PHF24: variants seen among roughly 807,000 people sequenced by gnomAD.
The protein encoded by PHF24 is Galpha inhibitory interacting protein.
In PHF24, 25 loss-of-function variants were observed where a neutral mutation model predicts 42.6. The observed-to-expected ratio is 0.59, with a 90% CI of 0.43 to 0.82. The LOEUF is 0.82. Ranked by LOEUF, PHF24 falls within the 40% of genes least tolerant of loss-of-function variation. The pLI, the probability that PHF24 is intolerant of heterozygous loss-of-function variation, is 0.00. For synonymous variants in PHF24, 185 were observed against 204.8 expected, an observed-to-expected ratio of 0.90 and a Z score of 0.83; for missense variants, 470 against 538.1, an observed-to-expected ratio of 0.87 and a Z score of 1.25.
At chr9:34,766,709 C>T in the PHF24 span, among the ~76,000 whole-genome samples, 20 of 152,358 alleles carry the variant, frequency 1.3e-4, no homozygotes. Flanking sequence ...TCGTCAAAGT[C>T]ATTCTCCGTC....
chr9:34,779,088 A>T, the PHF24 span, among the ~76,000 whole-genome samples: 1 of 152,198 alleles, frequency 6.6e-6, no homozygotes, highest in African/African-American at 2.4e-5. Flanking sequence ...ACGTATGGAA[A>T]GCAGCAAAAG....
chr9:34,693,864 C>T, the PHF24 span, among the ~76,000 whole-genome samples: 3 of 152,160 alleles, frequency 2.0e-5, no homozygotes, highest in Non-Finnish European at 4.4e-5. Flanking sequence ...GAAGGTCTCC[C>T]TTTAGCATTT....
At chr9:34,836,489 T>A in the PHF24 span, among the ~76,000 whole-genome samples, 1 of 152,182 alleles carries the variant, frequency 6.6e-6, no homozygotes, top group Non-Finnish European at 1.5e-5. Context: ...CTGTGGAAAA[T>A]GAGGTTTATG....
At chr9:34,729,526 C>T in the PHF24 span, 1 of 1,331,136 alleles carries the variant, frequency 7.5e-7, no homozygotes, top group African/African-American at 1.5e-5. Flanking sequence ...GTCATGTCCA[C>T]CTCACAGAGG....
the PHF24 span, among the ~76,000 whole-genome samples, chr9:34,904,452 G>A: frequency 1.3e-5 from 2 of 152,000 alleles, no homozygotes; most frequent in African/African-American, 2.4e-5. Flanking sequence ...GGATTTTGTC[G>A]AATGCTTTTT....
chr9:34,935,020 C>T, the PHF24 span, among the ~76,000 whole-genome samples: 8 of 152,036 alleles, frequency 5.3e-5, no homozygotes, highest in Non-Finnish European at 8.8e-5. Flanking sequence ...AGGACTGAGC[C>T]CTGAGTCAAC....
At chr9:34,709,492 T>G in the PHF24 span, 20 of 1,613,992 alleles carry the variant, frequency 1.2e-5, no homozygotes, top group Non-Finnish European at 1.6e-5. Flanking sequence ...ATCCCTCAGA[T>G]TCCTCACCTC....
chr9:34,763,071 A>G, the PHF24 span, among the ~76,000 whole-genome samples: 6 of 151,942 alleles, frequency 3.9e-5, no homozygotes, highest in Non-Finnish European at 2.9e-5. Context: ...CTGTTTTGGT[A>G]CCAGTACCAT....
the PHF24 span, among the ~76,000 whole-genome samples, chr9:34,879,115 G>A: frequency 3.4e-3 from 518 of 152,306 alleles, 3 homozygotes; most frequent in African/African-American, 0.012. Flanking sequence ...TGGACCTCCA[G>A]CAAACTCCAA....
the PHF24 span, among the ~76,000 whole-genome samples, chr9:34,731,685 T>C: frequency 6.6e-6 from 1 of 152,254 alleles, no homozygotes; most frequent in Non-Finnish European, 1.5e-5. Context: ...CCACATTTTC[T>C]TTATCCATTC....
the PHF24 span, among the ~76,000 whole-genome samples, chr9:34,751,045 T>C: frequency 1.3e-5 from 2 of 152,162 alleles, no homozygotes; most frequent in South Asian, 4.1e-4. Context: ...TGGGAAAAGA[T>C]ACTCCATGCA....
chr9:34,889,319 C>A, the PHF24 span: 2 of 398,688 alleles, frequency 5.0e-6, no homozygotes, highest in Non-Finnish European at 4.4e-6. Flanking sequence ...TGGCACAGGA[C>A]CCAGGATTGG....
the PHF24 span, among the ~76,000 whole-genome samples, chr9:34,930,615 A>G: frequency 6.6e-6 from 1 of 152,222 alleles, no homozygotes; most frequent in Non-Finnish European, 1.5e-5. Context: ...GATTTCTAGC[A>G]ATGGTATGAC....
the PHF24 span, among the ~76,000 whole-genome samples, chr9:34,818,803 T>C: frequency 1.3e-5 from 2 of 152,150 alleles, no homozygotes; most frequent in African/African-American, 4.8e-5. Flanking sequence ...TTTTAAAAAA[T>C]AGTGCTCACC....
At chr9:34,863,272 G>C in the PHF24 span, among the ~76,000 whole-genome samples, 1 of 152,108 alleles carries the variant, frequency 6.6e-6, no homozygotes, top group Admixed American at 6.5e-5. Flanking sequence ...CTAGGGCCTT[G>C]AGCAAACATA....
the PHF24 span, among the ~76,000 whole-genome samples, chr9:34,938,963 CG>C: frequency 0.015 from 2,013 of 138,234 alleles, 51 homozygotes; most frequent in African/African-American, 0.051. Flanking sequence ...AAGCCATGAG[CG>C]TGATTTATTT....
At chr9:34,741,598 G>T in the PHF24 span, among the ~76,000 whole-genome samples, 1 of 152,114 alleles carries the variant, frequency 6.6e-6, no homozygotes, top group African/African-American at 2.4e-5. Flanking sequence ...CCGACCTCAG[G>T]TGATCCACCT....
At chr9:34,903,274 G>A in the PHF24 span, among the ~76,000 whole-genome samples, 3 of 152,166 alleles carry the variant, frequency 2.0e-5, no homozygotes, top group African/African-American at 7.2e-5. Flanking sequence ...CACATATCCA[G>A]TAGTTTTTTA....
chr9:34,971,195 G>A (rs998841188), intron 1 of PHF24, 100 bp from the exon 2 acceptor site: 9 of 1,333,100 alleles, frequency 6.8e-6, no homozygotes, highest in Non-Finnish European at 9.2e-6. Flanking sequence ...CTAGAAGAGG[G>A]AGAAACTGTT....
Sources: gnomAD v4.1 joint callset for allele counts (sites outside exome capture counted in the v4.1 genomes callset) on GRCh38, gnomAD v4.1.1 for gene constraint, MANE v1.5 for transcripts, NCBI Gene and HGNC (gene_info 2026-07-23, HGNC 2026-07-21) for gene names.